Variants in EYA2 observed in about 807,000 individuals in gnomAD.
The protein encoded by EYA2 is protein phosphatase EYA2.
EYA2 carries 31 observed loss-of-function variants against 69.2 expected under a neutral mutation model. That is an observed-to-expected ratio of 0.45 (90% CI 0.34 to 0.60). The LOEUF (loss-of-function observed/expected upper bound fraction) is 0.60. Among genes scored for constraint, EYA2 ranks in the 20% least tolerant of loss-of-function variants. The probability of loss-of-function intolerance (pLI) is 0.02; values close to 1 mark genes in which losing one functional copy is unlikely to be tolerated. For missense variants in EYA2, 622 were observed against 701.2 expected, an observed-to-expected ratio of 0.89 and a Z score of 1.28; for synonymous variants, 257 against 279.4, an observed-to-expected ratio of 0.92 and a Z score of 0.80.
At position 47,188,643 on chromosome 20, in the gene EYA2, T is replaced by C. The variant is rs1600786257; in HGVS notation, c.*510T>C. 2.1e-5 allele frequency: 7 copies of C among 338,188 alleles called. No individual in the cohort carries two copies. In the East Asian group the frequency reaches 3.2e-4, roughly 15 times the overall value. The allele number at this position is 338,188 out of a possible 1,614,324, so 20.9% of individuals were successfully genotyped here. ...TGTGCTTTGTGGGGACAATCATTCTTTGAACATTAGAGAGGAAGGCAGTTC... is the reference window on the plus strand; with the variant it reads ...TGTGCTTTGTGGGGACAATCATTCTCTGAACATTAGAGAGGAAGGCAGTTC... On this transcript the variant is annotated 3_prime_UTR_variant, in exon 16 of 16. Coordinates refer to ENST00000327619, the MANE Select transcript of EYA2 (RefSeq NM_005244.5).
chr20:46,982,558 C>T (rs1026043210), intron 1 of EYA2, among the ~76,000 whole-genome samples: 2 of 152,114 alleles, frequency 1.3e-5, no homozygotes, highest in African/African-American at 4.8e-5. Context: ...CTCTCCTCTC[C>T]TTCTGTGGCT....
chr20:46,916,116 A>G (rs1600540625), intron 1 of EYA2, among the ~76,000 whole-genome samples: 1 of 151,824 alleles, frequency 6.6e-6, no homozygotes, highest in Non-Finnish European at 1.5e-5. Flanking sequence ...TGGCCCCTTC[A>G]CTCTCTGAGG....
chr20:47,008,345 G>T (rs1373914038), intron 4 of EYA2, among the ~76,000 whole-genome samples: 2 of 152,196 alleles, frequency 1.3e-5, no homozygotes, highest in Non-Finnish European at 2.9e-5. Flanking sequence ...TTAAGCCCAG[G>T]CAGCCTGGCT....
chr20:47,163,778 A>C (rs1233143090), intron 10 of EYA2, among the ~76,000 whole-genome samples: 1 of 150,662 alleles, frequency 6.6e-6, no homozygotes, highest in African/African-American at 2.5e-5. Flanking sequence ...GATATACCAC[A>C]TTTTATTTAG....
rs565216957 is a variant in EYA2 at position 47,180,053 on chromosome 20, T to C, written c.1313+141T>C. On this transcript the variant is annotated intron_variant, in intron 13 of 15. Coordinates refer to ENST00000327619, the MANE Select transcript of EYA2 (RefSeq NM_005244.5). ...CTTTCCAAATATTTTTTTTTTTTGA[T>C]ATGGAGTCTCACTCTGTCGCCCAGG... The C allele has an allele frequency of 1.1e-4, 66 of 623,290 alleles. No homozygotes were observed. The African/African-American group carries it at 1.1e-3, about 10-fold the overall frequency. The allele number at this position is 623,290 out of a possible 1,614,324, so 38.6% of individuals were successfully genotyped here. A position where few individuals can be genotyped will look rare whatever the true frequency, so the allele number is the denominator to read the frequency against.
intron 10 of EYA2, among the ~76,000 whole-genome samples, chr20:47,146,032 A>G (rs1164459350): frequency 6.6e-6 from 1 of 152,138 alleles, no homozygotes; most frequent in African/African-American, 2.4e-5. Flanking sequence ...CTTGAGGGTG[A>G]GGTGAAGCCA....
In EYA2 at chr20:47,172,923, T is replaced by C. The variant is rs563778034; in HGVS notation, c.1198+56T>C. On this transcript the variant is annotated intron_variant, in intron 12 of 15. Coordinates refer to ENST00000327619, the MANE Select transcript of EYA2 (RefSeq NM_005244.5). ...AAGGGAAACTCATTGGGATGGATGCTGTCAGTGTCCCTGCTGTGCCAGGCG... is the reference window on the plus strand; with the variant it reads ...AAGGGAAACTCATTGGGATGGATGCCGTCAGTGTCCCTGCTGTGCCAGGCG... 330 of 1,556,786 alleles carry C rather than the reference T, an allele frequency of 2.1e-4. 1 individual carries two copies. In the African/African-American group the frequency reaches 4.0e-3, roughly 19 times the overall value.
At chr20:47,066,492 A>T (rs2031113502) in intron 5 of EYA2, among the ~76,000 whole-genome samples, 1 of 152,196 alleles carries the variant, frequency 6.6e-6, no homozygotes. Context: ...TCTCTCACCT[A>T]AAAGTCCTAA....
intron 1 of EYA2, among the ~76,000 whole-genome samples, chr20:46,908,514 A>G (rs1232726333): frequency 6.6e-6 from 1 of 152,234 alleles, no homozygotes; most frequent in Non-Finnish European, 1.5e-5. Flanking sequence ...AGTCATGTCC[A>G]GAGTCAAAAT....
chr20:47,071,821 G>A (rs1295017664), intron 5 of EYA2: 7 of 203,282 alleles, frequency 3.4e-5, no homozygotes, highest in Non-Finnish European at 6.1e-5. Flanking sequence ...GTTCCTCTCC[G>A]ACTGTAAGAA....
chr20:47,113,959 T>G (rs989691514), intron 9 of EYA2, among the ~76,000 whole-genome samples: 50 of 152,210 alleles, frequency 3.3e-4, no homozygotes, highest in African/African-American at 1.2e-3. Flanking sequence ...AAAGTAGCAG[T>G]GGCTGGGATC....
intron 1 of EYA2, among the ~76,000 whole-genome samples, chr20:46,954,315 G>T (rs11696676): frequency 6.6e-6 from 1 of 151,992 alleles, no homozygotes; most frequent in Non-Finnish European, 1.5e-5. Flanking sequence ...AACAACGATC[G>T]GCACATAGTA....
chr20:46,970,666 T>C (rs1419741997), intron 1 of EYA2, among the ~76,000 whole-genome samples: 1 of 152,200 alleles, frequency 6.6e-6, no homozygotes, highest in Non-Finnish European at 1.5e-5. Flanking sequence ...GCTACATTAT[T>C]TCAGTGGAAT....
intron 9 of EYA2, among the ~76,000 whole-genome samples, chr20:47,107,885 G>A (rs2032638523): frequency 6.6e-6 from 1 of 152,160 alleles, no homozygotes; most frequent in Non-Finnish European, 1.5e-5. Context: ...TGAGAAAAAT[G>A]TGGCCAGGGA....
intron 4 of EYA2, among the ~76,000 whole-genome samples, chr20:47,012,275 A>T (rs947693411): frequency 6.6e-6 from 1 of 152,186 alleles, no homozygotes; most frequent in African/African-American, 2.4e-5. Flanking sequence ...TGCTGTGAAG[A>T]TACTTATCAG....
intron 3 of EYA2, among the ~76,000 whole-genome samples, chr20:47,004,506 G>A (rs1423973568): frequency 1.3e-5 from 2 of 152,070 alleles, no homozygotes; most frequent in East Asian, 3.8e-4. Context: ...AAAGTCCAGT[G>A]TGGATGGGGT....
intron 1 of EYA2, among the ~76,000 whole-genome samples, chr20:46,965,558 C>T (rs1463676372): frequency 1.3e-5 from 2 of 152,268 alleles, no homozygotes; most frequent in South Asian, 2.1e-4. Context: ...CTGGGCCTCA[C>T]GCCTCATAGC....
intron 1 of EYA2, among the ~76,000 whole-genome samples, chr20:46,947,128 C>G (rs1176949841): frequency 6.6e-6 from 1 of 152,172 alleles, no homozygotes; most frequent in Non-Finnish European, 1.5e-5. Flanking sequence ...TTGCTGACCT[C>G]TACTCTAAAG....
chr20:46,911,231 T>TTGTGTGTGTGTGTG (rs140564632), intron 1 of EYA2, among the ~76,000 whole-genome samples: 5 of 148,238 alleles, frequency 3.4e-5, no homozygotes, highest in African/African-American at 1.2e-4. Flanking sequence ...GCTGGATAAT[T>TTGTGTGTGTGTGTG]TGTGTGTGTG....
Sources: allele counts gnomAD v4.1 joint callset (sites outside exome capture counted in the v4.1 genomes callset), GRCh38; gene constraint gnomAD v4.1.1; transcripts MANE v1.5; gene names NCBI Gene and HGNC (gene_info 2026-07-23, HGNC 2026-07-21).